ANKS1B: variants seen among roughly 807,000 people sequenced by gnomAD.
ANKS1B encodes ankyrin repeat and sterile alpha motif domain-containing protein 1B.
In ANKS1B, 36 loss-of-function variants were observed where a neutral mutation model predicts 148.3. The observed-to-expected ratio is 0.24, with a 90% CI of 0.19 to 0.32. The LOEUF is 0.32. Among genes scored for constraint, ANKS1B ranks in the 10% least tolerant of loss-of-function variants. The probability of loss-of-function intolerance (pLI) is 1.00; values close to 1 mark genes in which losing one functional copy is unlikely to be tolerated. For synonymous variants in ANKS1B, 542 were observed against 560.8 expected (o/e 0.97, Z 0.47); for missense variants, 1,157 against 1,542.6 (o/e 0.75, Z 4.19).
intron 8 of ANKS1B, among the ~76,000 whole-genome samples, chr12:99,700,128 T>C (rs2054575313): frequency 6.6e-6 from 1 of 152,190 alleles, no homozygotes; most frequent in Non-Finnish European, 1.5e-5. Flanking sequence ...AAATTAACAA[T>C]GCTTCATTTT....
chr12:99,175,284 G>A (rs546638921), intron 14 of ANKS1B, among the ~76,000 whole-genome samples: 31 of 152,260 alleles, frequency 2.0e-4, no homozygotes, highest in African/African-American at 7.0e-4. Context: ...TGTGTTACAA[G>A]TTAAGTATTC....
chr12:98,890,691 T>C lies in ANKS1B; in HGVS notation c.2779-58555A>G, dbSNP rs111922089. Among the ~76,000 whole-genome samples the C allele has an allele frequency of 3.9e-3, 596 of 152,306 alleles. 7 individuals are homozygous for C. The highest frequency in any genetic ancestry group is 0.013 in the African/African-American group (555 of 41,564). ...AACCAAAAACAGATAATAAAACATA[T>C]AGTTACAAACATTATTCTAATTGAA... On this transcript the variant is annotated intron_variant, in intron 17 of 26. Coordinates refer to ENST00000683438, the MANE Select transcript of ANKS1B (RefSeq NM_001352186.2).
chr12:99,394,927 T>C (rs1438897218), intron 12 of ANKS1B, among the ~76,000 whole-genome samples: 1 of 152,200 alleles, frequency 6.6e-6, no homozygotes, highest in Non-Finnish European at 1.5e-5. Context: ...CCAAACCTTC[T>C]CTTCCCCAAA....
chr12:99,614,810 C>A (rs1416989181), intron 9 of ANKS1B, among the ~76,000 whole-genome samples: 1 of 151,686 alleles, frequency 6.6e-6, no homozygotes, highest in African/African-American at 2.4e-5. Flanking sequence ...CATCTCAAAT[C>A]AGTAGTAATA....
chr12:99,810,966 G>A (rs750470409), intron 3 of ANKS1B, among the ~76,000 whole-genome samples: 1 of 151,784 alleles, frequency 6.6e-6, no homozygotes, highest in Non-Finnish European at 1.5e-5. Context: ...TTTCCTTTTA[G>A]CATGATATGA....
chr12:98,795,845 A>T (rs2098943696), intron 22 of ANKS1B, among the ~76,000 whole-genome samples: 1 of 152,138 alleles, frequency 6.6e-6, no homozygotes. Flanking sequence ...CAAGTGACTT[A>T]ACTTCTCTTG....
chr12:99,621,868 A>G (rs1340080195), intron 9 of ANKS1B, among the ~76,000 whole-genome samples: 1 of 152,024 alleles, frequency 6.6e-6, no homozygotes, highest in Non-Finnish European at 1.5e-5. Flanking sequence ...AAAACAAAGA[A>G]ATTCTGGACT....
intron 12 of ANKS1B, among the ~76,000 whole-genome samples, chr12:99,264,423 AT>A (rs1189038052): frequency 6.6e-6 from 1 of 151,970 alleles, no homozygotes; most frequent in East Asian, 1.9e-4. Flanking sequence ...GATCCAGTGT[AT>A]TTTTTGCCTT....
intron 17 of ANKS1B, among the ~76,000 whole-genome samples, chr12:99,036,510 G>C (rs1459984976): frequency 6.6e-6 from 1 of 152,252 alleles, no homozygotes; most frequent in African/African-American, 2.4e-5. Context: ...GCCATCACAT[G>C]GTTGTCATAG....
At chr12:98,769,073 C>CA (rs1407102261) in intron 25 of ANKS1B, among the ~76,000 whole-genome samples, 1 of 147,174 alleles carries the variant, frequency 6.8e-6, no homozygotes, top group African/African-American at 2.5e-5. Context: ...CTTTAAGGTC[C>CA]AAAAAGCAGT....
chr12:99,722,091 C>T (rs1389979232), intron 8 of ANKS1B, among the ~76,000 whole-genome samples: 1 of 152,182 alleles, frequency 6.6e-6, no homozygotes, highest in African/African-American at 2.4e-5. Context: ...AGCAGGGGTT[C>T]ATGAGGTTTA....
intron 12 of ANKS1B, among the ~76,000 whole-genome samples, chr12:99,278,113 T>C (rs372600403): frequency 6.6e-6 from 1 of 152,238 alleles, no homozygotes; most frequent in East Asian, 1.9e-4. Flanking sequence ...GCTGTGTTGC[T>C]GGGAAGCAGC....
At chr12:98,811,794 C>T (rs561917772) in intron 19 of ANKS1B, among the ~76,000 whole-genome samples, 1 of 152,234 alleles carries the variant, frequency 6.6e-6, no homozygotes, top group Admixed American at 6.5e-5. Context: ...TGATTGATAG[C>T]TTTCTCTTTA....
intron 8 of ANKS1B, among the ~76,000 whole-genome samples, chr12:99,733,590 T>C (rs1188387959): frequency 6.6e-6 from 1 of 152,218 alleles, no homozygotes; most frequent in African/African-American, 2.4e-5. Context: ...CATTTTACAT[T>C]GTCTTTCTAA....
intron 24 of ANKS1B, among the ~76,000 whole-genome samples, chr12:98,778,819 A>G (rs1204757845): frequency 6.6e-6 from 1 of 152,010 alleles, no homozygotes. Context: ...CCTGCTAAAC[A>G]CAATCTCTCT....
chr12:98,840,026 G>A (rs1047198433), intron 17 of ANKS1B, among the ~76,000 whole-genome samples: 5 of 152,090 alleles, frequency 3.3e-5, no homozygotes, highest in South Asian at 2.1e-4. Flanking sequence ...TCTAGCTCAC[G>A]AATACAACTC....
intron 14 of ANKS1B, among the ~76,000 whole-genome samples, chr12:99,161,107 A>G (rs1040204787): frequency 1.3e-5 from 2 of 152,230 alleles, no homozygotes; most frequent in Non-Finnish European, 2.9e-5. Flanking sequence ...CTGAATCTGT[A>G]GATTGCTTTG....
chr12:99,156,045 T>C (rs555918109), intron 14 of ANKS1B, among the ~76,000 whole-genome samples: 1 of 152,280 alleles, frequency 6.6e-6, no homozygotes, highest in Admixed American at 6.5e-5. Context: ...AATACAAATT[T>C]ATTGAATAAA....
At chr12:99,820,049 C>G (rs2082319033) in intron 2 of ANKS1B, among the ~76,000 whole-genome samples, 1 of 151,694 alleles carries the variant, frequency 6.6e-6, no homozygotes, top group Admixed American at 6.6e-5. Context: ...GAAAAAGATA[C>G]AAAGAAATAG....
Sources: gnomAD v4.1 joint callset for allele counts (sites outside exome capture counted in the v4.1 genomes callset) on GRCh38, gnomAD v4.1.1 for gene constraint, MANE v1.5 for transcripts, NCBI Gene and HGNC (gene_info 2026-07-23, HGNC 2026-07-21) for gene names.